Variants in AGAP1 observed in about 807,000 individuals in gnomAD.
AGAP1 encodes the protein ArfGAP with GTPase domain, ankyrin repeat and PH domain 1, also known as arf-GAP with GTPase, ANK repeat and PH domain-containing protein 1.
A neutral mutation model predicts 105.3 loss-of-function variants in AGAP1; 29 were observed. The ratio of observed to expected loss-of-function variants is 0.28; its 90% CI spans 0.21 to 0.38. The LOEUF is 0.38. Among genes scored for constraint, AGAP1 ranks in the 10% least tolerant of loss-of-function variants. The pLI, the probability that AGAP1 is intolerant of heterozygous loss-of-function variation, is 1.00. For synonymous variants in AGAP1, 509 were observed against 485.9 expected (o/e 1.05, Z -0.63); for missense variants, 998 against 1,165.1 (o/e 0.86, Z 2.09).
chr2:236,079,940 T>A (rs544113112), intron 16 of AGAP1, among the ~76,000 whole-genome samples: 2 of 152,198 alleles, frequency 1.3e-5, no homozygotes, highest in African/African-American at 4.8e-5. Context: ...GTCTAAGATA[T>A]GAGACTTCAG....
At chr2:235,731,510 T>C (rs1951944463) in intron 3 of AGAP1, among the ~76,000 whole-genome samples, 1 of 152,212 alleles carries the variant, frequency 6.6e-6, no homozygotes, top group Admixed American at 6.5e-5. Flanking sequence ...GGCTGCGTAT[T>C]AGGAAGAGGC....
intron 1 of AGAP1, 54 bp from the exon 2 acceptor site, chr2:235,709,125 A>G: frequency 6.3e-7 from 1 of 1,583,718 alleles, no homozygotes; most frequent in South Asian, 1.1e-5. Context: ...AGGCATTTTG[A>G]CTTGGCCTTT....
chr2:235,946,205 G>GT (rs1443214082), intron 12 of AGAP1, among the ~76,000 whole-genome samples: 2 of 151,528 alleles, frequency 1.3e-5, no homozygotes, highest in African/African-American at 4.9e-5. Context: ...TTTTGGGGGT[G>GT]TATACCCTTC....
chr2:235,839,638 G>A (rs1389524442), intron 9 of AGAP1, among the ~76,000 whole-genome samples: 1 of 152,100 alleles, frequency 6.6e-6, no homozygotes, highest in Non-Finnish European at 1.5e-5. Flanking sequence ...TTGGGAAGGG[G>A]CTTTCCTGGG....
At chr2:235,812,056 CTG>C (rs1250062901) in intron 9 of AGAP1, among the ~76,000 whole-genome samples, 1 of 152,224 alleles carries the variant, frequency 6.6e-6, no homozygotes, top group Non-Finnish European at 1.5e-5. Context: ...CGCCAAGGTG[CTG>C]TTTCTCAGTT....
Position 235,889,089 on chromosome 2 carries a change from C to T in AGAP1, c.1155+5640C>T, listed in dbSNP as rs1295697328. The stretch of plus-strand genomic sequence containing the variant: ...AGTGTTTGTGTGAAAGATCGATCAC[C>T]TTTGGACACGAACTTCAAGTATCAG... On this transcript the variant is annotated intron_variant, in intron 10 of 17. Coordinates refer to ENST00000304032, the MANE Select transcript of AGAP1 (RefSeq NM_001037131.3). The surrounding 1 kb of genome is among the most constrained non-coding windows in gnomAD (Gnocchi z 4.6). Among the ~76,000 whole-genome samples the T allele has an allele frequency of 6.6e-6, 1 of 152,184 alleles. No individual in the cohort carries two copies. The highest frequency in any genetic ancestry group is 1.5e-5 in the Non-Finnish European group (1 of 68,020).
At position 235,736,122 on chromosome 2, in the gene AGAP1, A is replaced by G. The variant is rs577481407; in HGVS notation, c.311-4841A>G. Reference sequence around the variant, plus strand: ...TCCCCTCTCACTGAGATGCGGTCACAGCTGCCCAGCGACCTGGTTCCACCT... The same window carrying G: ...TCCCCTCTCACTGAGATGCGGTCACGGCTGCCCAGCGACCTGGTTCCACCT... On this transcript the variant is annotated intron_variant, in intron 3 of 17. Coordinates refer to ENST00000304032, the MANE Select transcript of AGAP1 (RefSeq NM_001037131.3). The surrounding 1 kb of genome is among the most constrained non-coding windows in gnomAD (Gnocchi z 5.5). Among the ~76,000 whole-genome samples the G allele has an allele frequency of 6.6e-6, 1 of 151,768 alleles. No homozygotes were observed. The highest frequency in any genetic ancestry group is 2.0e-4 in the East Asian group (1 of 5,092).
At chr2:235,831,535 C>T (rs2106343988) in intron 9 of AGAP1, among the ~76,000 whole-genome samples, 1 of 152,296 alleles carries the variant, frequency 6.6e-6, no homozygotes, top group African/African-American at 2.4e-5. Flanking sequence ...TTTTCCTTTG[C>T]CAGGATGCCA....
chr2:235,745,011 G>A (rs1438554008), intron 5 of AGAP1, among the ~76,000 whole-genome samples, 172 bp downstream of exon 5: 1 of 151,874 alleles, frequency 6.6e-6, no homozygotes, highest in Admixed American at 6.6e-5. Flanking sequence ...TTGATTCTAT[G>A]GTGAAACCAC....
intron 1 of AGAP1, among the ~76,000 whole-genome samples, chr2:235,581,284 G>A (rs775718658): frequency 6.6e-6 from 1 of 151,124 alleles, no homozygotes; most frequent in Non-Finnish European, 1.5e-5. Flanking sequence ...TCTAGCCTGG[G>A]TGACAAGAGC....
chr2:235,949,104 G>A (rs1292884131), intron 12 of AGAP1, among the ~76,000 whole-genome samples: 1 of 152,188 alleles, frequency 6.6e-6, no homozygotes, highest in East Asian at 1.9e-4. Context: ...CCTGGGTGAG[G>A]CAAGCATGGC....
chr2:235,949,861 G>A (rs1392689498), intron 12 of AGAP1, among the ~76,000 whole-genome samples: 1 of 152,172 alleles, frequency 6.6e-6, no homozygotes, highest in African/African-American at 2.4e-5. Flanking sequence ...ATGCAGAATG[G>A]AAAGTTCTGC....
rs931162189 is a variant in AGAP1, at chr2:235,952,505, A to G, written c.1484-15957A>G. Among the ~76,000 whole-genome samples the G allele has an allele frequency of 5.3e-5, 8 of 152,196 alleles. No homozygotes were observed. In the South Asian group the frequency reaches 6.2e-4, roughly 12 times the overall value. ...GCTCATGATGCAAATGTAGACAAAT[A>G]TATGTTGAGTGCCCCTGTGTCTGTA... On this transcript the variant is annotated intron_variant, in intron 12 of 17. Transcript: ENST00000304032.
rs1396642288 is a variant in AGAP1, at chr2:235,611,343, G to A, written c.164-97836G>A. The stretch of plus-strand genomic sequence containing the variant: ...CCCCTTGAGGTCAGGATGCTGCAAC[G>A]AATATAATAGAAAATGATGTTAATA... On this transcript the variant is annotated intron_variant, in intron 1 of 17. Transcript: ENST00000304032. The surrounding 1 kb of genome is among the most constrained non-coding windows in gnomAD (Gnocchi z 5.0). 2.0e-5 allele frequency among the ~76,000 whole-genome samples: 3 copies of A among 152,186 alleles called. No individual in the cohort carries two copies. The highest frequency in any genetic ancestry group is 6.5e-5 in the Admixed American group (1 of 15,284).
chr2:235,998,275 T>C (rs1468811049), intron 13 of AGAP1, among the ~76,000 whole-genome samples: 7 of 152,136 alleles, frequency 4.6e-5, no homozygotes, highest in Non-Finnish European at 8.8e-5. Flanking sequence ...AAACATTTTG[T>C]ATTAGTGTTT....
At chr2:235,773,010 T>TGGA (rs1955578564) in intron 6 of AGAP1, among the ~76,000 whole-genome samples, 1 of 152,210 alleles carries the variant, frequency 6.6e-6, no homozygotes, top group Non-Finnish European at 1.5e-5. Context: ...TTGTTCCTGG[T>TGGA]GGAGGGGGTC....
Position 235,695,736 on chromosome 2 carries a change from G to A in AGAP1, c.164-13443G>A, listed in dbSNP as rs141958818. On this transcript the variant is annotated intron_variant, in intron 1 of 17. Coordinates refer to ENST00000304032, the MANE Select transcript of AGAP1 (RefSeq NM_001037131.3). ...CTTTGCTGGGTGAAAGAGGTAAGAG[G>A]TAAGTCAGCAGGGGCACAAAGAAAC... is the stretch of plus-strand genomic sequence containing the variant. Among the ~76,000 whole-genome samples, 230 of 152,320 alleles carry A rather than the reference G, an allele frequency of 1.5e-3. 1 individual carries two copies. The highest frequency in any genetic ancestry group is 5.2e-3 in the African/African-American group (218 of 41,562).
Position 235,553,464 on chromosome 2 carries a change from A to C in AGAP1, c.163+58615A>C, listed in dbSNP as rs548641593. ...ATGATTGTGTTGCTAGGATTAGTTAAGAACTGATTTGAGGTCACTAGCACA... is the reference window on the plus strand; with the variant it reads ...ATGATTGTGTTGCTAGGATTAGTTACGAACTGATTTGAGGTCACTAGCACA... On this transcript the variant is annotated intron_variant, in intron 1 of 17. Coordinates refer to ENST00000304032, the MANE Select transcript of AGAP1 (RefSeq NM_001037131.3). The surrounding 1 kb of genome is among the most constrained non-coding windows in gnomAD (Gnocchi z 4.5). 2.6e-5 allele frequency among the ~76,000 whole-genome samples: 4 copies of C among 152,322 alleles called. No homozygotes were observed. The highest frequency in any genetic ancestry group is 9.6e-5 in the African/African-American group (4 of 41,582).
In AGAP1 at chr2:235,946,466, C is replaced by T. The variant is rs188689494; in HGVS notation, c.1483+15543C>T. ...GATTCCAGGCTTGAGCCACTGTGCC[C>T]GGCCAGGCCTTTTCCACTTAAACAT... is the stretch of plus-strand genomic sequence containing the variant. On this transcript the variant is annotated intron_variant, in intron 12 of 17. Coordinates refer to ENST00000304032, the MANE Select transcript of AGAP1 (RefSeq NM_001037131.3). Among the ~76,000 whole-genome samples, 77 of 152,136 alleles carry T rather than the reference C, an allele frequency of 5.1e-4. 1 individual carries two copies. Among genetic ancestry groups the T allele is most frequent in the African/African-American group, 1.4e-3 (57 of 41,526 alleles).
Sources: allele counts gnomAD v4.1 joint callset (sites outside exome capture counted in the v4.1 genomes callset), GRCh38; gene constraint gnomAD v4.1.1; non-coding constraint Gnocchi (gnomAD v3.1); transcripts MANE v1.5; gene names NCBI Gene and HGNC (gene_info 2026-07-23, HGNC 2026-07-21).